Variants in BAZ1A observed in about 807,000 individuals in gnomAD.
BAZ1A encodes bromodomain adjacent to zinc finger domain protein 1A.
BAZ1A carries 50 observed loss-of-function variants against 185.2 expected under a neutral mutation model. The observed-to-expected ratio is 0.27, with a 90% confidence interval of 0.22 to 0.34. The LOEUF is 0.34. Among genes scored for constraint, BAZ1A ranks in the 10% least tolerant of loss-of-function variants. The pLI is 1.00. For missense variants in BAZ1A, 1,356 were observed against 1,839.9 expected (o/e 0.74, Z 4.81); for synonymous variants, 571 against 615.6 (o/e 0.93, Z 1.07).
chr14:34,799,436 T>C (rs969242035), intron 9 of BAZ1A, among the ~76,000 whole-genome samples: 3 of 152,068 alleles, frequency 2.0e-5, no homozygotes, highest in Non-Finnish European at 2.9e-5. Flanking sequence ...GCACAGAGCA[T>C]GTAATATGAT....
chr14:34,805,024 G>A (rs886526693), intron 6 of BAZ1A, among the ~76,000 whole-genome samples: 7 of 152,168 alleles, frequency 4.6e-5, no homozygotes, highest in African/African-American at 1.7e-4. Context: ...GAATCATGGA[G>A]CAGGCTTCCC....
intron 4 of BAZ1A, among the ~76,000 whole-genome samples, chr14:34,820,134 T>G (rs537652362): frequency 0.064 from 9,297 of 144,598 alleles, 312 homozygotes; most frequent in Non-Finnish European, 0.098. Flanking sequence ...TTTTTTTTTT[T>G]TTTTTTTTTT....
At chr14:34,789,301 T>TTA (rs1880693066) in intron 12 of BAZ1A, among the ~76,000 whole-genome samples, 1 of 152,200 alleles carries the variant, frequency 6.6e-6, no homozygotes, top group Non-Finnish European at 1.5e-5. Flanking sequence ...ACAAAGGCTA[T>TTA]AAAAAGGCCT....
At chr14:34,757,734 A>G (rs10151842) in intron 25 of BAZ1A, among the ~76,000 whole-genome samples, 2 of 138,838 alleles carry the variant, frequency 1.4e-5, no homozygotes, top group Non-Finnish European at 3.3e-5. Context: ...GTCTAACTCT[A>G]TTGTTTTCTT....
intron 12 of BAZ1A, among the ~76,000 whole-genome samples, chr14:34,792,338 T>A (rs541509053): frequency 6.6e-6 from 1 of 151,036 alleles, no homozygotes; most frequent in South Asian, 2.1e-4. Context: ...TGAGCCAAGA[T>A]CACGCCAACG....
At chr14:34,807,707 G>T (rs1484096410) in intron 5 of BAZ1A, among the ~76,000 whole-genome samples, 169 bp from the exon 6 acceptor site, 2 of 152,024 alleles carry the variant, frequency 1.3e-5, no homozygotes, top group African/African-American at 4.8e-5. Context: ...AACTTTTACA[G>T]AGGTATTTAT....
chr14:34,820,877 G>A (rs1289835251), intron 4 of BAZ1A, among the ~76,000 whole-genome samples: 1 of 152,058 alleles, frequency 6.6e-6, no homozygotes, highest in East Asian at 1.9e-4. Context: ...TTACATTTAT[G>A]TGGGTCTATT....
Position 34,826,084 on chromosome 14 carries a change from AC to A in BAZ1A, c.464del (p.Ser155MetfsTer70). ...TGATGATAATAGTTTCTCCATCCACACTGTTAACATGTCCATTAGCAAAACC... is the reference window on the plus strand; with the variant it reads ...TGATGATAATAGTTTCTCCATCCACATGTTAACATGTCCATTAGCAAAACC... ...QNGFANGHVN[S>X]VDGETIIISD... On this transcript the variant is annotated frameshift_variant, in exon 4 of 27. Coordinates refer to ENST00000360310, the MANE Select transcript of BAZ1A (RefSeq NM_013448.3). LOFTEE classifies it high-confidence loss of function. 1 of 1,611,994 alleles carries A rather than the reference AC, an allele frequency of 6.2e-7. No individual in the cohort carries two copies. Among genetic ancestry groups the A allele is most frequent in the Non-Finnish European group, 8.5e-7 (1 of 1,178,808 alleles).
chr14:34,753,620 G>C lies in BAZ1A; in HGVS notation c.4559C>G (p.Thr1520Ser), dbSNP rs147831971. ...PRNTSEAKAG[T>S]RLQAFFHIQA... is the part of the protein sequence containing the mutation. ...AATATGAAAAAATGCTTGAAGCCTA[G>C]TTCCAGCTTTTGCTTCACTTGTGTT... Residue 1520 changes from threonine (T) to serine (S), a missense_variant, in exon 27 of 27, where the codon ACT becomes AGT. Thr to Ser is a moderately conservative substitution (Grantham distance 58). This residue lies in a region of BAZ1A where 61 missense variants were observed against 117.9 expected (regional missense o/e 0.52). Coordinates refer to ENST00000360310, the MANE Select transcript of BAZ1A (RefSeq NM_013448.3). 1.2e-6 allele frequency: 2 copies of C among 1,614,012 alleles called. No individual in the cohort carries two copies. The highest frequency in any genetic ancestry group is 1.7e-6 in the Non-Finnish European group (2 of 1,179,940).
In BAZ1A at chr14:34,765,226, C is replaced by T. The variant is rs780846512; in HGVS notation, c.3344G>A (p.Arg1115His). The change falls in exon 22 of 27, where the codon CGT becomes CAT. Residue 1115 changes from arginine to histidine, a missense_variant. Around this residue, in one of 7 missense-constraint regions of BAZ1A, gnomAD observed 434 missense variants for 561.7 expected, o/e 0.77. Coordinates refer to ENST00000360310, the MANE Select transcript of BAZ1A (RefSeq NM_013448.3). ...SGRSYKTVLDRWRESLLSSAS... is the reference protein window; with the variant it reads ...SGRSYKTVLDHWRESLLSSAS... ...AGAAGAAAGGAGAGACTCTCTCCAA[C>T]GGTCCAGAACTGTTTTATAAGAACG... 23 of 1,613,962 alleles carry T rather than the reference C, an allele frequency of 1.4e-5. No homozygotes were observed. The highest frequency in any genetic ancestry group is 4.5e-5 in the East Asian group (2 of 44,886).
At chr14:34,762,795 A>G (rs924924093) in intron 23 of BAZ1A, among the ~76,000 whole-genome samples, 4 of 152,210 alleles carry the variant, frequency 2.6e-5, no homozygotes, top group Non-Finnish European at 5.9e-5. Flanking sequence ...ACTTCAGGAC[A>G]TCATTATGAA....
intron 9 of BAZ1A, among the ~76,000 whole-genome samples, chr14:34,798,954 A>G (rs1284520962): frequency 6.6e-6 from 1 of 152,116 alleles, no homozygotes; most frequent in Non-Finnish European, 1.5e-5. Flanking sequence ...TTGTGGCACT[A>G]TTCACAATAG....
chr14:34,761,171 A>G (rs10147130), intron 24 of BAZ1A, among the ~76,000 whole-genome samples: 49,611 of 151,724 alleles, frequency 0.33, 8,313 homozygotes, highest in Non-Finnish European at 0.38. Flanking sequence ...CTGCTACTCG[A>G]GAGGCTGAGG....
chr14:34,805,096 G>C (rs896245173), intron 6 of BAZ1A, among the ~76,000 whole-genome samples: 5 of 152,114 alleles, frequency 3.3e-5, no homozygotes, highest in Admixed American at 6.5e-5. Flanking sequence ...GCTGTCTCCT[G>C]CCAGCCATGT....
chr14:34,801,828 C>T (rs1594855347), intron 7 of BAZ1A, among the ~76,000 whole-genome samples: 1 of 150,996 alleles, frequency 6.6e-6, no homozygotes, highest in East Asian at 2.0e-4. Flanking sequence ...ACTGCTTGAA[C>T]CCAGGAGGTG....
chr14:34,827,670 G>C (rs2042183408), intron 3 of BAZ1A, among the ~76,000 whole-genome samples: 1 of 150,980 alleles, frequency 6.6e-6, no homozygotes, highest in Non-Finnish European at 1.5e-5. Flanking sequence ...AGGAGGCGGA[G>C]TTTGCAGTGA....
intron 21 of BAZ1A, among the ~76,000 whole-genome samples, chr14:34,769,319 AT>A (rs1566550238): frequency 6.6e-6 from 1 of 152,162 alleles, no homozygotes; most frequent in Non-Finnish European, 1.5e-5. Context: ...AGACACCCAT[AT>A]TATAAATGAC....
intron 3 of BAZ1A, 49 bp from the exon 4 acceptor site, chr14:34,826,205 A>G (rs752628453): frequency 1.3e-6 from 2 of 1,579,126 alleles, no homozygotes; most frequent in Admixed American, 3.5e-5. Flanking sequence ...CATATTTTAC[A>G]GCCAAACATG....
Position 34,874,518 on chromosome 14 carries a change from G to A in BAZ1A, c.87C>T (p.Val29=), listed in dbSNP as rs1297824924. The A allele has an allele frequency of 2.5e-6, 4 of 1,612,634 alleles. 1 individual carries two copies. The highest frequency in any genetic ancestry group is 2.7e-5 in the African/African-American group (2 of 74,808). The change falls in exon 2 of 27, where the codon GTC becomes GTT. Residue 29 remains valine, a synonymous_variant. Transcript: ENST00000360310. The surrounding 1 kb of genome is among the most constrained non-coding windows in gnomAD (Gnocchi z 4.7). The part of the protein sequence containing the change: ...RPDEEVFYCK[V]TNEIFRHYDD... Reference sequence around the variant, plus strand: ...CGTAGTGGCGGAAGATCTCGTTGGTGACTTTACAGTAGAAAACTTCCTCGT... The same window carrying A: ...CGTAGTGGCGGAAGATCTCGTTGGTAACTTTACAGTAGAAAACTTCCTCGT...
Sources: allele counts gnomAD v4.1 joint callset (sites outside exome capture counted in the v4.1 genomes callset), GRCh38; gene constraint gnomAD v4.1.1; regional missense constraint gnomAD v4.1.1; non-coding constraint Gnocchi (gnomAD v3.1); transcripts MANE v1.5; gene names NCBI Gene and HGNC (gene_info 2026-07-23, HGNC 2026-07-21).